QTMAN: variants seen among roughly 807,000 people sequenced by gnomAD.
QTMAN encodes tRNA-queuosine alpha-mannosyltransferase.
At chr2:143,973,704 G>C in the QTMAN span, among the ~76,000 whole-genome samples, 2 of 151,570 alleles carry the variant, frequency 1.3e-5, no homozygotes, top group African/African-American at 4.9e-5. Context: ...CAGGAGAATG[G>C]CATGAACCCG....
the QTMAN span, among the ~76,000 whole-genome samples, chr2:144,289,970 C>CA: frequency 1.3e-5 from 2 of 152,196 alleles, no homozygotes; most frequent in Non-Finnish European, 2.9e-5. Context: ...GATGTGTAAA[C>CA]AGACTGTAAC....
chr2:144,316,945 T>C, the QTMAN span, among the ~76,000 whole-genome samples: 3 of 152,194 alleles, frequency 2.0e-5, no homozygotes, highest in African/African-American at 4.8e-5. Flanking sequence ...CATAAGGAAA[T>C]TGGGATAGTT....
the QTMAN span, among the ~76,000 whole-genome samples, chr2:144,161,125 T>C: frequency 6.6e-6 from 1 of 152,124 alleles, no homozygotes; most frequent in Admixed American, 6.6e-5. Context: ...TACCAGCCTG[T>C]CTACACTTGA....
chr2:144,113,912 A>T, the QTMAN span, among the ~76,000 whole-genome samples: 1 of 152,254 alleles, frequency 6.6e-6, no homozygotes, highest in Non-Finnish European at 1.5e-5. Flanking sequence ...CCTATGTTTT[A>T]AATTGAAAAA....
chr2:144,167,223 G>T, the QTMAN span, among the ~76,000 whole-genome samples: 5 of 151,992 alleles, frequency 3.3e-5, no homozygotes, highest in South Asian at 1.0e-3. Context: ...CTATCAGAAG[G>T]GTTTGTCTTT....
At chr2:144,124,862 TCTC>T in the QTMAN span, among the ~76,000 whole-genome samples, 1 of 152,252 alleles carries the variant, frequency 6.6e-6, no homozygotes, top group Middle Eastern at 3.4e-3. Context: ...TATCTTTTTA[TCTC>T]TAACCCCAAC....
chr2:143,984,755 C>T, the QTMAN span, among the ~76,000 whole-genome samples: 3 of 152,276 alleles, frequency 2.0e-5, no homozygotes, highest in African/African-American at 4.8e-5. Context: ...AGCAGCTGGA[C>T]GTTGGAGACT....
At chr2:144,278,864 T>C in the QTMAN span, among the ~76,000 whole-genome samples, 1 of 152,188 alleles carries the variant, frequency 6.6e-6, no homozygotes, top group Admixed American at 6.5e-5. Flanking sequence ...ATTATAATGA[T>C]AATAGCATCC....
the QTMAN span, among the ~76,000 whole-genome samples, chr2:144,110,403 AG>A: frequency 1.5e-4 from 23 of 152,048 alleles, no homozygotes; most frequent in Non-Finnish European, 3.1e-4. Flanking sequence ...GGGTGAGGGG[AG>A]GGGGGAAGGA....
At chr2:144,181,284 T>A in the QTMAN span, among the ~76,000 whole-genome samples, 1 of 152,206 alleles carries the variant, frequency 6.6e-6, no homozygotes, top group African/African-American at 2.4e-5. Flanking sequence ...AATTATTTAA[T>A]AAATTAAAGA....
chr2:144,035,614 T>C, the QTMAN span, among the ~76,000 whole-genome samples: 1 of 152,148 alleles, frequency 6.6e-6, no homozygotes, highest in African/African-American at 2.4e-5. Context: ...TGGTTATCAA[T>C]TCACAAGGGA....
At chr2:144,205,016 A>G in the QTMAN span, among the ~76,000 whole-genome samples, 4 of 137,696 alleles carry the variant, frequency 2.9e-5, no homozygotes, top group African/African-American at 1.1e-4. Context: ...GGGGGGAGGG[A>G]TAGCATTAAG....
the QTMAN span, among the ~76,000 whole-genome samples, chr2:144,010,755 GC>G: frequency 2.6e-5 from 4 of 152,060 alleles, no homozygotes; most frequent in African/African-American, 9.7e-5. Flanking sequence ...GATTAAAGGA[GC>G]TAACTATGAA....
At chr2:144,133,153 TATA>T in the QTMAN span, among the ~76,000 whole-genome samples, 13 of 41,656 alleles carry the variant, frequency 3.1e-4, no homozygotes, top group African/African-American at 1.7e-3. Flanking sequence ...ATATATATAA[TATA>T]ATATAATATA....
chr2:144,259,876 G>A, the QTMAN span, among the ~76,000 whole-genome samples: 6 of 152,246 alleles, frequency 3.9e-5, no homozygotes, highest in African/African-American at 1.4e-4. Flanking sequence ...TTATAAAAGA[G>A]TAGTTAGTAA....
At chr2:144,127,982 A>G in the QTMAN span, 1 of 152,136 alleles carries the variant, frequency 6.6e-6, no homozygotes, top group African/African-American at 2.4e-5. Context: ...ACTCAGGGAT[A>G]AAAAGAAGGA....
At chr2:144,251,939 T>C in the QTMAN span, among the ~76,000 whole-genome samples, 2 of 152,104 alleles carry the variant, frequency 1.3e-5, 1 homozygote, top group South Asian at 4.2e-4. Flanking sequence ...CTCACACTTG[T>C]AATCCCAGCA....
the QTMAN span, among the ~76,000 whole-genome samples, chr2:144,247,152 A>G: frequency 1.4e-4 from 22 of 152,344 alleles, no homozygotes; most frequent in Admixed American, 8.5e-4. Context: ...AAGAGCAAGG[A>G]AAAATCCCAG....
the QTMAN span, among the ~76,000 whole-genome samples, chr2:144,088,639 T>C: frequency 4.6e-5 from 7 of 151,904 alleles, no homozygotes; most frequent in Non-Finnish European, 1.0e-4. Flanking sequence ...ATCAATGGAA[T>C]AGAATTGAGA....
Sources: gnomAD v4.1 joint callset for allele counts (sites outside exome capture counted in the v4.1 genomes callset) on GRCh38, gnomAD v4.1.1 for gene constraint, MANE v1.5 for transcripts, NCBI Gene and HGNC (gene_info 2026-07-23, HGNC 2026-07-21) for gene names.